Variants in MACROD2 observed in about 807,000 individuals in gnomAD.
MACROD2 encodes ADP-ribose glycohydrolase MACROD2.
Under a neutral mutation model 70.4 loss-of-function variants are expected in MACROD2, and 36 were observed. That is an observed-to-expected ratio of 0.51 (90% CI 0.39 to 0.68). The LOEUF (loss-of-function observed/expected upper bound fraction) is 0.68, where lower values mean the gene tolerates loss of function less well. MACROD2 is among the 30% of genes least tolerant of loss of function. MACROD2 has a pLI of 0.00. For synonymous variants in MACROD2, 172 were observed against 178.8 expected (o/e 0.96, Z 0.30); for missense variants, 496 against 538.4 (o/e 0.92, Z 0.78).
At chr20:15,393,991 G>A (rs1394790910) in intron 6 of MACROD2, among the ~76,000 whole-genome samples, 1 of 152,120 alleles carries the variant, frequency 6.6e-6, no homozygotes, top group African/African-American at 2.4e-5. Context: ...TCTTAATAGT[G>A]ATGCTGATGA....
chr20:14,932,031 C>A (rs1432630770), intron 5 of MACROD2, among the ~76,000 whole-genome samples: 1 of 149,430 alleles, frequency 6.7e-6, no homozygotes, highest in Non-Finnish European at 1.5e-5. Flanking sequence ...AAAAATCCAC[C>A]AAGCAAACCA....
chr20:14,586,243 A>ATG (rs1350350637), intron 4 of MACROD2, among the ~76,000 whole-genome samples: 3 of 150,992 alleles, frequency 2.0e-5, no homozygotes, highest in East Asian at 3.9e-4. Flanking sequence ...GGCTGTGTGT[A>ATG]TGTGTGTGTG....
intron 8 of MACROD2, among the ~76,000 whole-genome samples, chr20:15,575,106 C>G (rs1344196513): frequency 6.6e-6 from 1 of 152,168 alleles, no homozygotes; most frequent in African/African-American, 2.4e-5. Flanking sequence ...AGTGAACAAT[C>G]AAATTCTGCT....
At chr20:15,952,967 G>A (rs972667778) in intron 12 of MACROD2, among the ~76,000 whole-genome samples, 26 of 152,070 alleles carry the variant, frequency 1.7e-4, no homozygotes, top group Admixed American at 3.3e-4. Context: ...TCCCATTTCT[G>A]TGGGGGTTTC....
chr20:15,037,683 CTT>C (rs998153439), intron 5 of MACROD2, among the ~76,000 whole-genome samples: 2 of 142,150 alleles, frequency 1.4e-5, no homozygotes, highest in Non-Finnish European at 1.6e-5. Context: ...AACTTTAACT[CTT>C]TTTTTTTTTG....
chr20:14,745,002 T>TAAG (rs1486579601), intron 5 of MACROD2, among the ~76,000 whole-genome samples: 2 of 152,162 alleles, frequency 1.3e-5, no homozygotes, highest in African/African-American at 2.4e-5. Context: ...TCTCAGGCTG[T>TAAG]AAGGTGCATT....
intron 5 of MACROD2, among the ~76,000 whole-genome samples, chr20:15,210,552 G>GTTTTTTTTTTTTTTTTTTTTTTTTTTTTT (rs11333280): frequency 2.5e-5 from 3 of 121,646 alleles, no homozygotes; most frequent in African/African-American, 6.4e-5. Context: ...CTTTTCTTCT[G>GTTTTTTTTTTTTTTTTTTTTTTTTTTTTT]TTTTTTTTTT....
At chr20:14,066,473 T>C (rs2053758681) in intron 2 of MACROD2, among the ~76,000 whole-genome samples, 1 of 152,222 alleles carries the variant, frequency 6.6e-6, no homozygotes, top group South Asian at 2.1e-4. Flanking sequence ...TGGCAAAATA[T>C]CAAAATGACA....
At chr20:15,344,057 G>T (rs1202366459) in intron 6 of MACROD2, among the ~76,000 whole-genome samples, 1 of 152,142 alleles carries the variant, frequency 6.6e-6, no homozygotes, top group African/African-American at 2.4e-5. Context: ...AGTCGTTGAG[G>T]TATGCACAGT....
intron 5 of MACROD2, among the ~76,000 whole-genome samples, chr20:14,741,554 C>T (rs1419784782): frequency 6.6e-6 from 1 of 152,014 alleles, no homozygotes; most frequent in Non-Finnish European, 1.5e-5. Context: ...TTGCTGATAT[C>T]ATTCTACTAT....
At chr20:15,986,660 G>T (rs948044762) in intron 13 of MACROD2, 67 bp from the exon 14 acceptor site, 1 of 1,252,792 alleles carries the variant, frequency 8.0e-7, no homozygotes, top group Middle Eastern at 1.9e-4. Context: ...GGTTTCTGAA[G>T]GTCAGGAATA....
At chr20:14,000,120 A>G (rs2052712627) in intron 1 of MACROD2, among the ~76,000 whole-genome samples, 1 of 152,190 alleles carries the variant, frequency 6.6e-6, no homozygotes, top group African/African-American at 2.4e-5. Context: ...CCCACTTCCT[A>G]AATACTGTGT....
intron 2 of MACROD2, among the ~76,000 whole-genome samples, chr20:14,022,796 C>G (rs2053106614): frequency 6.6e-6 from 1 of 152,220 alleles, no homozygotes; most frequent in East Asian, 1.9e-4. Context: ...ATGGCTGCAT[C>G]ATATTCCATA....
intron 3 of MACROD2, among the ~76,000 whole-genome samples, chr20:14,160,822 T>G (rs1344352033): frequency 6.6e-6 from 1 of 152,132 alleles, no homozygotes; most frequent in East Asian, 1.9e-4. Flanking sequence ...GTATTTGAAA[T>G]CTTTATACTT....
intron 8 of MACROD2, among the ~76,000 whole-genome samples, chr20:15,761,675 C>T (rs2051438724): frequency 6.6e-6 from 1 of 152,160 alleles, no homozygotes; most frequent in African/African-American, 2.4e-5. Context: ...TGTGGTGACT[C>T]AGATTTTACA....
intron 5 of MACROD2, among the ~76,000 whole-genome samples, chr20:15,158,995 GC>G (rs2076328754): frequency 6.6e-6 from 1 of 151,848 alleles, no homozygotes; most frequent in African/African-American, 2.4e-5. Flanking sequence ...AAATGCATAG[GC>G]CAGTATCTGC....
chr20:14,528,925 A>G (rs1399250663), intron 4 of MACROD2, among the ~76,000 whole-genome samples: 1 of 152,192 alleles, frequency 6.6e-6, no homozygotes, highest in Non-Finnish European at 1.5e-5. Context: ...AATAATAACT[A>G]GAGCACGGAT....
rs529917656 is a variant in MACROD2 at position 15,358,513 on chromosome 20, T to C, written c.541-72892T>C. ...TCAACAAATAAATATATTGTCAATC[T>C]CTCCAAATTTAATGGCCAATAAGGA... On this transcript the variant is annotated intron_variant, in intron 6 of 17. Transcript: ENST00000684519. 2.0e-5 allele frequency among the ~76,000 whole-genome samples: 3 copies of C among 152,186 alleles called. No individual in the cohort carries two copies. The East Asian group carries it at 5.8e-4, about 29-fold the overall frequency.
chr20:14,547,167 C>A, intron 4 of MACROD2: 2 of 267,214 alleles, frequency 7.5e-6, no homozygotes, highest in South Asian at 2.2e-4. Context: ...CACTCGAAGT[C>A]AGATGAGAGA....
Sources: allele counts gnomAD v4.1 joint callset (sites outside exome capture counted in the v4.1 genomes callset), GRCh38; gene constraint gnomAD v4.1.1; transcripts MANE v1.5; gene names NCBI Gene and HGNC (gene_info 2026-07-23, HGNC 2026-07-21).